Variants in MCM5 observed in about 807,000 individuals in gnomAD.
The protein encoded by MCM5 is minichromosome maintenance complex component 5.
MCM5 carries 46 observed loss-of-function variants against 79.9 expected under a neutral mutation model. The observed-to-expected ratio is 0.58, with a 90% CI of 0.45 to 0.74. The LOEUF is 0.74. MCM5 is among the 30% of genes least tolerant of loss of function. The pLI is 0.00. For missense variants in MCM5, 883 were observed against 1,017.0 expected (o/e 0.87, Z 1.79); for synonymous variants, 404 against 390.5 (o/e 1.03, Z -0.41).
chr22:35,403,494 G>C lies in MCM5; in HGVS notation c.375G>C (p.Gln125His), dbSNP rs12170872. The C allele has an allele frequency of 4.6e-4, 748 of 1,614,168 alleles. 2 individuals are homozygous for C. In the African/African-American group the frequency reaches 8.9e-3, roughly 19 times the overall value. The part of the protein sequence containing the change: ...PSGEEVLQDI[Q>H]VMLKSDASPS... ...GGGAGGAGGTGCTCCAGGACATCCAGGTCATGCTCAAGTCGGACGCCAGCC... is the reference window on the plus strand; with the variant it reads ...GGGAGGAGGTGCTCCAGGACATCCACGTCATGCTCAAGTCGGACGCCAGCC... Residue 125 changes from glutamine to histidine, a missense_variant, in exon 4 of 17, where the codon CAG becomes CAC. Physicochemically the swap from Gln to His is conservative, Grantham distance 24. Transcript: ENST00000216122.
intron 4 of MCM5, among the ~76,000 whole-genome samples, chr22:35,406,296 A>ACGCCCCCC (rs1555903415): frequency 8.3e-6 from 1 of 120,922 alleles, no homozygotes; most frequent in Non-Finnish European, 1.7e-5. Context: ...TTGCCCTGCC[A>ACGCCCCCC]CCTCCCCCCC....
chr22:35,407,546 C>A (rs997063658), intron 5 of MCM5, among the ~76,000 whole-genome samples: 7 of 151,448 alleles, frequency 4.6e-5, no homozygotes, highest in Admixed American at 2.0e-4. Context: ...CTGCCTCCTT[C>A]CTGTTTCTGG....
intron 12 of MCM5, 121 bp downstream of exon 12, chr22:35,416,935 A>G (rs1932561752): frequency 1.7e-6 from 2 of 1,166,322 alleles, no homozygotes; most frequent in Non-Finnish European, 2.5e-6. Flanking sequence ...TCAGGCTGTG[A>G]AATTGGGGAG....
At chr22:35,404,478 C>A (rs4645748) in intron 4 of MCM5, among the ~76,000 whole-genome samples, 5 of 152,134 alleles carry the variant, frequency 3.3e-5, no homozygotes, top group Non-Finnish European at 1.5e-5. Flanking sequence ...TTACAACATA[C>A]CCCTTCCCCC....
At position 35,415,581 on chromosome 22, in the gene MCM5, G is replaced by A. The variant is rs545438523; in HGVS notation, c.1204-248G>A. ...CACAAGACTGTGTCACAGGGCTGTG[G>A]TGAGGCTTAGGTGAGCCATGGATGT... On this transcript the variant is annotated intron_variant, in intron 9 of 16. Coordinates refer to ENST00000216122, the MANE Select transcript of MCM5 (RefSeq NM_006739.4). Among the ~76,000 whole-genome samples the A allele has an allele frequency of 2.0e-5, 3 of 152,356 alleles. 1 individual carries two copies. The highest frequency in any genetic ancestry group is 7.2e-5 in the African/African-American group (3 of 41,576).
rs761319028 is a variant in MCM5, at chr22:35,415,836, C to T, written c.1211C>T (p.Thr404Met). 13 of 1,613,132 alleles carry T rather than the reference C, an allele frequency of 8.1e-6. No individual in the cohort carries two copies. The highest frequency in any genetic ancestry group is 2.2e-5 in the East Asian group (1 of 44,886). The change falls in exon 10 of 17, where the codon ACG (threonine) becomes ATG (methionine). Residue 404 changes from threonine to methionine, a missense_variant. Coordinates refer to ENST00000216122, the MANE Select transcript of MCM5 (RefSeq NM_006739.4). ...VEKCSPIGVY[T>M]SGKGSSAAGL... The stretch of plus-strand genomic sequence containing the variant: ...ACCACCCCACTGCCCCAGGTATACA[C>T]GTCTGGGAAAGGCAGCAGCGCAGCT...
the MCM5 span, among the ~76,000 whole-genome samples, chr22:35,443,999 A>G: frequency 6.6e-6 from 1 of 152,128 alleles, no homozygotes; most frequent in African/African-American, 2.4e-5. Flanking sequence ...GGGAGCAGGG[A>G]TAGTTCCTGC....
At chr22:35,402,576 CAG>C (rs1183231867) in intron 2 of MCM5, among the ~76,000 whole-genome samples, 1 of 150,344 alleles carries the variant, frequency 6.7e-6, no homozygotes, top group Admixed American at 6.6e-5. Context: ...TTTTTTGAGA[CAG>C]AGTCTCAGTC....
intron 9 of MCM5, among the ~76,000 whole-genome samples, chr22:35,415,415 T>C (rs955577284): frequency 1.3e-5 from 2 of 152,172 alleles, no homozygotes; most frequent in African/African-American, 2.4e-5. Flanking sequence ...TATGGCAGTA[T>C]GTGGCGTGTA....
the MCM5 span, among the ~76,000 whole-genome samples, chr22:35,440,529 T>C: frequency 6.6e-6 from 1 of 152,188 alleles, no homozygotes; most frequent in Non-Finnish European, 1.5e-5. Flanking sequence ...CTGCCTTCCA[T>C]GTCCTTACAG....
rs776695914 is a variant in MCM5, at chr22:35,421,489, A to G, written c.1975+29A>G. ...AGCAGATGCAGGGGCCATGGTCTCA[A>G]TTGATCTGGGTTCCCTGGCTCGGAG... On this transcript the variant is annotated intron_variant, in intron 15 of 16. Coordinates refer to ENST00000216122, the MANE Select transcript of MCM5 (RefSeq NM_006739.4). 1.5e-5 allele frequency: 25 copies of G among 1,613,652 alleles called. 2 individuals carry two copies. The highest frequency in any genetic ancestry group is 1.5e-4 in the South Asian group (14 of 91,082).
chr22:35,416,978 G>A (rs947417930), intron 12 of MCM5, among the ~76,000 whole-genome samples, 164 bp downstream of exon 12: 1 of 152,168 alleles, frequency 6.6e-6, no homozygotes, highest in Non-Finnish European at 1.5e-5. Flanking sequence ...GGACTGCAGA[G>A]GATTGAAGCA....
chr22:35,440,947 C>G, the MCM5 span, among the ~76,000 whole-genome samples: 13,607 of 151,938 alleles, frequency 0.09, 667 homozygotes, highest in Non-Finnish European at 0.1. Flanking sequence ...GTCCCAGCTA[C>G]TCGGGAGTCT....
In MCM5 at chr22:35,408,387, CTT is replaced by C. The variant is rs746112306; in HGVS notation, c.597-18_597-17del. 4.4e-6 allele frequency: 7 copies of C among 1,601,034 alleles called. No individual in the cohort carries two copies. The highest frequency in any genetic ancestry group is 1.7e-5 in the Admixed American group (1 of 59,632). On this transcript the variant is annotated intron_variant, in intron 5 of 16. Coordinates refer to ENST00000216122, the MANE Select transcript of MCM5 (RefSeq NM_006739.4). Reference sequence around the variant, plus strand: ...GATTCTCCAGGTAGCTTTGGTGACTCTTTTCCCTTACCTTGTACAGAGATCAG... The same window carrying C: ...GATTCTCCAGGTAGCTTTGGTGACTCTTCCCTTACCTTGTACAGAGATCAG...
At chr22:35,417,107 T>C (rs992621047) in intron 12 of MCM5, among the ~76,000 whole-genome samples, 4 of 152,132 alleles carry the variant, frequency 2.6e-5, no homozygotes, top group Non-Finnish European at 5.9e-5. Flanking sequence ...GGAGTTGACA[T>C]TGGGTTATGA....
intron 11 of MCM5, 30 bp downstream of exon 11, chr22:35,416,434 T>A: frequency 6.2e-7 from 1 of 1,608,248 alleles, no homozygotes; most frequent in Non-Finnish European, 8.5e-7. Context: ...GAGCCCAGCC[T>A]GCAGCAGCCC....
chr22:35,403,274 A>T lies in MCM5; in HGVS notation c.235A>T (p.Ser79Cys). ...TGAGGTGGAGATGGAGGATCTGGCC[A>T]GCTTTGATGAGGACCTGGCCGACTA... ...WIEVEMEDLA[S>C]FDEDLADYLY... Residue 79 changes from serine to cysteine, a missense_variant, in exon 3 of 17, where the codon AGC becomes TGC. Physicochemically the swap from Ser to Cys is moderately radical, Grantham distance 112 (BLOSUM62 -1). Around this residue, in one of 3 missense-constraint regions of MCM5, gnomAD observed 455 missense variants for 517.5 expected, o/e 0.88. Coordinates refer to ENST00000216122, the MANE Select transcript of MCM5 (RefSeq NM_006739.4). 1 of 1,614,132 alleles carries T rather than the reference A, an allele frequency of 6.2e-7. No individual in the cohort carries two copies. Among genetic ancestry groups the T allele is most frequent in the South Asian group, 1.1e-5 (1 of 91,084 alleles).
At chr22:35,410,297 A>G (rs1327473788) in intron 6 of MCM5, 1 of 186,082 alleles carries the variant, frequency 5.4e-6, no homozygotes, top group African/African-American at 2.3e-5. Flanking sequence ...AGCCATGAAG[A>G]GGCAAAAAGG....
the MCM5 span, among the ~76,000 whole-genome samples, chr22:35,439,023 A>C: frequency 9.6e-6 from 1 of 104,340 alleles, no homozygotes; most frequent in Non-Finnish European, 1.9e-5. Flanking sequence ...ATCCATCCAC[A>C]TATTCATCCA....
Sources: allele counts gnomAD v4.1 joint callset (sites outside exome capture counted in the v4.1 genomes callset), GRCh38; gene constraint gnomAD v4.1.1; regional missense constraint gnomAD v4.1.1; transcripts MANE v1.5; gene names NCBI Gene and HGNC (gene_info 2026-07-23, HGNC 2026-07-21).